RAPGEF5: variants seen among roughly 807,000 people sequenced by gnomAD.
RAPGEF5 encodes Rap guanine nucleotide exchange factor 5.
A neutral mutation model predicts 125.2 loss-of-function variants in RAPGEF5; 65 were observed. The observed-to-expected ratio is 0.52, with a 90% CI of 0.43 to 0.64. RAPGEF5 has a LOEUF of 0.64. RAPGEF5 is among the 30% of genes least tolerant of loss of function. The pLI, the probability that RAPGEF5 is intolerant of heterozygous loss-of-function variation, is 0.00. For synonymous variants in RAPGEF5, 391 were observed against 385.9 expected (o/e 1.01, Z -0.16); for missense variants, 958 against 1,048.1 (o/e 0.91, Z 1.19).
intron 7 of RAPGEF5, among the ~76,000 whole-genome samples, chr7:22,262,549 T>C (rs923602044): frequency 4.6e-5 from 7 of 152,056 alleles, no homozygotes; most frequent in African/African-American, 7.2e-5. Flanking sequence ...AACATAAACA[T>C]AGAACACAGC....
At chr7:22,222,765 C>G (rs1225692574) in intron 8 of RAPGEF5, among the ~76,000 whole-genome samples, 1 of 152,122 alleles carries the variant, frequency 6.6e-6, no homozygotes, top group Non-Finnish European at 1.5e-5. Flanking sequence ...ATTGTATGTC[C>G]TGGGTTGGAC....
At chr7:22,253,199 T>C (rs112659399) in intron 7 of RAPGEF5, among the ~76,000 whole-genome samples, 3,205 of 152,306 alleles carry the variant, frequency 0.021, 99 homozygotes, top group African/African-American at 0.073. Context: ...ATCCTAGGAA[T>C]CATCAATCAA....
chr7:22,192,677 G>A (rs1785032075), intron 11 of RAPGEF5: 2 of 152,258 alleles, frequency 1.3e-5, no homozygotes, highest in Admixed American at 6.5e-5. Flanking sequence ...TGAGATAAAG[G>A]AAGTTACAGG....
chr7:22,209,864 T>G (rs1201379776), intron 9 of RAPGEF5, among the ~76,000 whole-genome samples: 1 of 152,236 alleles, frequency 6.6e-6, no homozygotes, highest in Non-Finnish European at 1.5e-5. Flanking sequence ...AATTACACTT[T>G]TTGTTAACAA....
intron 11 of RAPGEF5, among the ~76,000 whole-genome samples, chr7:22,170,146 C>G (rs1394576781): frequency 6.6e-6 from 1 of 152,132 alleles, no homozygotes; most frequent in Non-Finnish European, 1.5e-5. Context: ...ACTTCGCCTC[C>G]CAGGTTCAAG....
chr7:22,128,890 T>C (rs1275449028), intron 24 of RAPGEF5, among the ~76,000 whole-genome samples: 1 of 152,226 alleles, frequency 6.6e-6, no homozygotes, highest in African/African-American at 2.4e-5. Context: ...GAATTTAAAA[T>C]ATTATTTATG....
intron 17 of RAPGEF5, 76 bp from the exon 18 acceptor site, chr7:22,150,580 C>T: frequency 1.4e-6 from 2 of 1,466,270 alleles, no homozygotes; most frequent in Non-Finnish European, 1.8e-6. Context: ...ACACAGTACA[C>T]TTAAAAAGTG....
intron 7 of RAPGEF5, among the ~76,000 whole-genome samples, chr7:22,241,395 A>C (rs899016385): frequency 2.6e-5 from 4 of 152,174 alleles, no homozygotes; most frequent in African/African-American, 9.7e-5. Context: ...CCACTAAATA[A>C]ATAGAGGGGG....
chr7:22,177,729 G>T (rs1036158438), intron 11 of RAPGEF5, among the ~76,000 whole-genome samples: 2 of 152,222 alleles, frequency 1.3e-5, no homozygotes, highest in African/African-American at 2.4e-5. Context: ...AGGCTGAGAT[G>T]AATAAAGAGA....
intron 1 of RAPGEF5, among the ~76,000 whole-genome samples, chr7:22,334,276 G>T (rs1783985016): frequency 6.6e-6 from 1 of 151,708 alleles, no homozygotes; most frequent in East Asian, 1.9e-4. Context: ...AAGAGAAAGA[G>T]AAGTGTTAAA....
At chr7:22,294,670 C>A (rs976090352) in intron 5 of RAPGEF5, among the ~76,000 whole-genome samples, 1 of 152,314 alleles carries the variant, frequency 6.6e-6, no homozygotes, top group Middle Eastern at 3.4e-3. Context: ...TTCTCTCATA[C>A]TCTGCCTTGT....
At chr7:22,209,596 G>A (rs1045513361) in intron 9 of RAPGEF5, among the ~76,000 whole-genome samples, 2 of 152,178 alleles carry the variant, frequency 1.3e-5, no homozygotes, top group Admixed American at 6.5e-5. Flanking sequence ...CCAGATGGGT[G>A]TTTAATGAGA....
chr7:22,343,552 C>T (rs1443699153), intron 1 of RAPGEF5, among the ~76,000 whole-genome samples: 2 of 152,184 alleles, frequency 1.3e-5, no homozygotes, highest in Admixed American at 6.5e-5. Flanking sequence ...GAAATAGTTT[C>T]AACCTAGCAT....
rs367961066 is a variant in RAPGEF5, at chr7:22,193,929, C to T, written c.1101G>A (p.Ala367=). The T allele has an allele frequency of 2.5e-6, 4 of 1,613,716 alleles. No individual in the cohort carries two copies. Among genetic ancestry groups the T allele is most frequent in the East Asian group, 2.2e-5 (1 of 44,876 alleles). ...GAAACTCTCACCTCCAATGGCTCTC[C>T]GCACTCCCAGCTGTGGGGGCTGGGC... ...CCGPAPTAGS[A]ESHWRYVVVS... is the part of the protein sequence containing the mutation. The change falls in exon 10 of 26, where the codon GCG becomes GCA. Residue 367 remains alanine, a synonymous_variant. Coordinates refer to ENST00000665637, the MANE Select transcript of RAPGEF5 (RefSeq NM_012294.5).
intron 6 of RAPGEF5, among the ~76,000 whole-genome samples, chr7:22,269,545 T>A (rs977662713): frequency 1.3e-5 from 2 of 152,106 alleles, no homozygotes; most frequent in African/African-American, 4.8e-5. Context: ...AGAAAAAACT[T>A]CCCGAGGGAG....
At chr7:22,190,512 TA>T (rs1240600430) in intron 11 of RAPGEF5, among the ~76,000 whole-genome samples, 1 of 152,224 alleles carries the variant, frequency 6.6e-6, no homozygotes, top group Non-Finnish European at 1.5e-5. Context: ...TAGAATACTA[TA>T]TGAATTTAGT....
intron 23 of RAPGEF5, among the ~76,000 whole-genome samples, chr7:22,131,655 C>T (rs1782918506): frequency 1.3e-5 from 2 of 152,114 alleles, no homozygotes; most frequent in South Asian, 4.2e-4. Flanking sequence ...TTGAAAAAGT[C>T]AAGATGTCTG....
chr7:22,241,313 C>T (rs141241939), intron 7 of RAPGEF5, among the ~76,000 whole-genome samples: 66 of 152,184 alleles, frequency 4.3e-4, no homozygotes, highest in African/African-American at 1.5e-3. Flanking sequence ...AATTTTAAAA[C>T]ATACAGTGGA....
intron 9 of RAPGEF5, among the ~76,000 whole-genome samples, chr7:22,199,279 C>T (rs1785221049): frequency 6.6e-6 from 1 of 152,020 alleles, no homozygotes; most frequent in Admixed American, 6.5e-5. Context: ...GAAGTGCCAA[C>T]CAGACCCGAA....
Sources: gnomAD v4.1 joint callset for allele counts (sites outside exome capture counted in the v4.1 genomes callset) on GRCh38, gnomAD v4.1.1 for gene constraint, MANE v1.5 for transcripts, NCBI Gene and HGNC (gene_info 2026-07-23, HGNC 2026-07-21) for gene names.